Variants in VPS72 observed in about 807,000 individuals in gnomAD.
VPS72 encodes the protein vacuolar protein sorting-associated protein 72 homolog.
A neutral mutation model predicts 38.9 loss-of-function variants in VPS72; 27 were observed. The observed-to-expected ratio is 0.69, with a 90% CI of 0.51 to 0.96. The LOEUF (loss-of-function observed/expected upper bound fraction) is 0.96, where lower values mean the gene tolerates loss of function less well. VPS72 is among the 40% of genes least tolerant of loss of function. VPS72 has a pLI of 0.00. For synonymous variants in VPS72, 173 were observed against 186.3 expected, an observed-to-expected ratio of 0.93 and a Z score of 0.58; for missense variants, 360 against 479.5, an observed-to-expected ratio of 0.75 and a Z score of 2.33.
chr1:151,188,002 A>G (rs1684388384), intron 1 of VPS72, among the ~76,000 whole-genome samples: 1 of 151,840 alleles, frequency 6.6e-6, no homozygotes, highest in Non-Finnish European at 1.5e-5. Flanking sequence ...ATTTTAAACT[A>G]GTTGGTTAGG....
chr1:151,186,512 T>C (rs1429623925), intron 1 of VPS72, among the ~76,000 whole-genome samples: 1 of 149,414 alleles, frequency 6.7e-6, no homozygotes, highest in Non-Finnish European at 1.5e-5. Context: ...TGAGCTGAGA[T>C]AGTGCCACTG....
chr1:151,185,919 T>C lies in VPS72; in HGVS notation c.149A>G (p.Gln50Arg). 1 of 1,614,194 alleles carries C rather than the reference T, an allele frequency of 6.2e-7. No individual in the cohort carries two copies. The highest frequency in any genetic ancestry group is 8.5e-7 in the Non-Finnish European group (1 of 1,180,040). Residue 50 changes from glutamine to arginine, a missense_variant, in exon 2 of 6, where the codon CAG becomes CGG. Physicochemically the swap from Gln to Arg is conservative, Grantham distance 43. Transcript: ENST00000368892. ...GTCCACTTCGTCCTCTGTGTCTGAC[T>C]GGTCCCCTTGATACTCATCATCTCC... is the stretch of plus-strand genomic sequence containing the variant. ...ESGDDEYQGD[Q>R]SDTEDEVDSD...
intron 4 of VPS72, among the ~76,000 whole-genome samples, chr1:151,182,766 T>C (rs970182432): frequency 6.6e-6 from 1 of 152,186 alleles, no homozygotes; most frequent in Admixed American, 6.5e-5. Flanking sequence ...CTCTCCTGGG[T>C]TTCTCCAACT....
chr1:151,179,427 G>T (rs1684188467), intron 4 of VPS72, among the ~76,000 whole-genome samples: 1 of 151,918 alleles, frequency 6.6e-6, no homozygotes. Context: ...GAGAAACCCT[G>T]TCTCTACTAA....
At chr1:151,186,774 T>C (rs143512007) in intron 1 of VPS72, among the ~76,000 whole-genome samples, 1 of 152,340 alleles carries the variant, frequency 6.6e-6, no homozygotes, top group East Asian at 1.9e-4. Context: ...GCCAACTGCA[T>C]TTGGCTCCAG....
chr1:151,176,566 G>A lies in VPS72; in HGVS notation c.*78C>T, dbSNP rs1289889059. On this transcript the variant is annotated 3_prime_UTR_variant, in exon 6 of 6. Transcript: ENST00000368892. ...GGCAAAGATCAGAGATGACAAAGGG[G>A]AGAAGCAGGGAGAAGAAACGGAACA... 3 of 1,543,872 alleles carry A rather than the reference G, an allele frequency of 1.9e-6. No individual in the cohort carries two copies. Among genetic ancestry groups the A allele is most frequent in the Non-Finnish European group, 2.6e-6 (3 of 1,146,478 alleles).
At chr1:151,188,394 C>G (rs933587036) in intron 1 of VPS72, among the ~76,000 whole-genome samples, 2 of 152,168 alleles carry the variant, frequency 1.3e-5, no homozygotes, top group South Asian at 4.1e-4. Flanking sequence ...TTCTCTACTG[C>G]CATGCCCCCT....
At chr1:151,186,273 T>C (rs183267272) in intron 1 of VPS72, among the ~76,000 whole-genome samples, 1 of 151,888 alleles carries the variant, frequency 6.6e-6, no homozygotes, top group African/African-American at 2.4e-5. Flanking sequence ...GAGATGTGGA[T>C]CTCGAACAGG....
intron 1 of VPS72, among the ~76,000 whole-genome samples, chr1:151,188,689 T>C (rs1684401583): frequency 6.6e-6 from 1 of 152,226 alleles, no homozygotes. Context: ...CTCCTTCTCC[T>C]GCTTTTCATC....
chr1:151,183,583 T>G (rs1684285687), intron 4 of VPS72, among the ~76,000 whole-genome samples: 1 of 151,504 alleles, frequency 6.6e-6, no homozygotes, highest in Admixed American at 6.6e-5. Flanking sequence ...TGCCTCAGCC[T>G]CCCAAGTACC....
rs1362160021 is a variant in VPS72 at position 151,184,369 on chromosome 1, C to T, written c.510G>A (p.Glu170=). 2 of 1,614,000 alleles carry T rather than the reference C, an allele frequency of 1.2e-6. No homozygotes were observed. The highest frequency in any genetic ancestry group is 8.5e-7 in the Non-Finnish European group (1 of 1,180,046). ...TGATCTTGGCCTCCCGGAGCAGTTC[C>T]TCCTGGGTTAGTGGCCGCTCACAGT... The part of the protein sequence containing the change: ...GPHCERPLTQ[E]ELLREAKITE... Residue 170 remains glutamate, a synonymous_variant, in exon 4 of 6, where the codon GAG becomes GAA. Coordinates refer to ENST00000368892, the MANE Select transcript of VPS72 (RefSeq NM_005997.3).
chr1:151,180,497 G>A (rs914787217), intron 4 of VPS72, among the ~76,000 whole-genome samples: 1 of 151,296 alleles, frequency 6.6e-6, no homozygotes, highest in South Asian at 2.1e-4. Context: ...GAGTACAGTG[G>A]CACAATCTCG....
rs74914160 is a variant in VPS72, at chr1:151,189,488, G to A, written c.117+517C>T. 3.6e-3 allele frequency among the ~76,000 whole-genome samples: 545 copies of A among 152,192 alleles called. 5 individuals carry two copies. Among genetic ancestry groups the A allele is most frequent in the Middle Eastern group, 0.01 (3 of 294 alleles). On this transcript the variant is annotated intron_variant, in intron 1 of 5. Transcript: ENST00000368892. ...TATGTTCTGTGGAAGAAATAAATGGGGACACTTGTTAGGATAGTCAAGGAA... is the reference window on the plus strand; with the variant it reads ...TATGTTCTGTGGAAGAAATAAATGGAGACACTTGTTAGGATAGTCAAGGAA...
intron 4 of VPS72, among the ~76,000 whole-genome samples, chr1:151,183,925 T>C (rs1234164102): frequency 6.6e-6 from 1 of 152,018 alleles, no homozygotes; most frequent in Non-Finnish European, 1.5e-5. Flanking sequence ...GGTTTCACTA[T>C]GTTGTCCAGG....
chr1:151,176,877 C>A lies in VPS72; in HGVS notation c.862G>T (p.Val288Phe), dbSNP rs753644087. 6.8e-6 allele frequency: 11 copies of A among 1,614,044 alleles called. No homozygotes were observed. Among genetic ancestry groups the A allele is most frequent in the Non-Finnish European group, 9.3e-6 (11 of 1,180,030 alleles). ...TGGGTCACTGGACAGACCTCACGAACAGGGACTTTTGGGGGCCGCCCTTGG... is the reference window on the plus strand; with the variant it reads ...TGGGTCACTGGACAGACCTCACGAAAAGGGACTTTTGGGGGCCGCCCTTGG... ...FPQGRPPKVP[V>F]REVCPVTHRP... is the part of the protein sequence containing the mutation. The change falls in exon 6 of 6, where the codon GTT becomes TTT. Residue 288 changes from valine (V) to phenylalanine (F), a missense_variant. Val to Phe is a conservative substitution (Grantham distance 50). This residue lies in a region of VPS72 where 294 missense variants were observed against 356.3 expected (regional missense o/e 0.83). Coordinates refer to ENST00000368892, the MANE Select transcript of VPS72 (RefSeq NM_005997.3).
At chr1:151,184,708 C>T (rs1478057330) in intron 3 of VPS72, among the ~76,000 whole-genome samples, 2 of 151,652 alleles carry the variant, frequency 1.3e-5, no homozygotes, top group Non-Finnish European at 2.9e-5. Flanking sequence ...GCCTCAGACT[C>T]CCGAGTAGCT....
chr1:151,187,349 A>G (rs1384591683), intron 1 of VPS72, among the ~76,000 whole-genome samples: 1 of 152,228 alleles, frequency 6.6e-6, no homozygotes, highest in Admixed American at 6.5e-5. Context: ...CAAATAACAC[A>G]GATGGCTGAC....
At chr1:151,182,398 T>C (rs2101725558) in intron 4 of VPS72, among the ~76,000 whole-genome samples, 1 of 152,288 alleles carries the variant, frequency 6.6e-6, no homozygotes, top group Non-Finnish European at 1.5e-5. Flanking sequence ...GTTCCCAGCC[T>C]TGCCTCCCAT....
chr1:151,186,690 T>C (rs1365282778), intron 1 of VPS72, among the ~76,000 whole-genome samples: 1 of 152,086 alleles, frequency 6.6e-6, no homozygotes, highest in Non-Finnish European at 1.5e-5. Context: ...ACAGAAATGG[T>C]AATGTGTATA....
Sources: gnomAD v4.1 joint callset for allele counts (sites outside exome capture counted in the v4.1 genomes callset) on GRCh38, gnomAD v4.1.1 for gene constraint, gnomAD v4.1.1 regional missense constraint, MANE v1.5 for transcripts, NCBI Gene and HGNC (gene_info 2026-07-23, HGNC 2026-07-21) for gene names.